Variants in PRKG1 observed in about 807,000 individuals in gnomAD.
PRKG1 encodes cGMP-dependent protein kinase 1.
A neutral mutation model predicts 88.1 loss-of-function variants in PRKG1; 35 were observed. That is an observed-to-expected ratio of 0.40 (90% confidence interval 0.30 to 0.53). The LOEUF (loss-of-function observed/expected upper bound fraction) is 0.53, where lower values mean the gene tolerates loss of function less well. Ranked by LOEUF, PRKG1 falls within the 20% of genes least tolerant of loss-of-function variation. The probability of loss-of-function intolerance (pLI) is 0.59; values close to 1 mark genes in which losing one functional copy is unlikely to be tolerated. For missense variants in PRKG1, 540 were observed against 839.8 expected, an observed-to-expected ratio of 0.64 and a Z score of 4.41; for synonymous variants, 303 against 292.5, an observed-to-expected ratio of 1.04 and a Z score of -0.37.
intron 7 of PRKG1, among the ~76,000 whole-genome samples, chr10:52,073,609 T>C (rs1846558137): frequency 6.6e-6 from 1 of 152,150 alleles, no homozygotes; most frequent in South Asian, 2.1e-4. Context: ...GTGGCTGAAC[T>C]TACAACAATC....
chr10:51,540,372 A>G (rs1842269596), intron 3 of PRKG1, among the ~76,000 whole-genome samples: 1 of 152,206 alleles, frequency 6.6e-6, no homozygotes, highest in African/African-American at 2.4e-5. Flanking sequence ...CAACCAAGTC[A>G]ACTGAAAAGT....
At chr10:52,157,499 G>T (rs1047706323) in intron 8 of PRKG1, among the ~76,000 whole-genome samples, 2 of 150,756 alleles carry the variant, frequency 1.3e-5, no homozygotes, top group Admixed American at 1.3e-4. Context: ...CTGATGAACC[G>T]AATTATATTC....
chr10:51,466,232 G>C (rs1839901444), intron 2 of PRKG1, among the ~76,000 whole-genome samples: 1 of 152,084 alleles, frequency 6.6e-6, no homozygotes. Flanking sequence ...ATGAAAAGAT[G>C]AATTTACCGG....
At chr10:51,612,834 G>A (rs1838946165) in intron 3 of PRKG1, among the ~76,000 whole-genome samples, 1 of 152,000 alleles carries the variant, frequency 6.6e-6, no homozygotes, top group Non-Finnish European at 1.5e-5. Context: ...ATGAAGGAAT[G>A]TTGAATTTTA....
At chr10:51,057,255 A>AG (rs780671787) in intron 1 of PRKG1, among the ~76,000 whole-genome samples, 2 of 152,162 alleles carry the variant, frequency 1.3e-5, no homozygotes, top group Non-Finnish European at 2.9e-5. Flanking sequence ...TTAACTTTTT[A>AG]TTTTCTAAAA....
chr10:51,899,319 G>A (rs1336785977), intron 4 of PRKG1, among the ~76,000 whole-genome samples: 2 of 151,584 alleles, frequency 1.3e-5, no homozygotes, highest in Non-Finnish European at 2.9e-5. Flanking sequence ...ATATTATATT[G>A]TAACATAAAG....
At chr10:52,145,274 C>T (rs752282214) in intron 8 of PRKG1, among the ~76,000 whole-genome samples, 3 of 152,048 alleles carry the variant, frequency 2.0e-5, no homozygotes, top group Non-Finnish European at 2.9e-5. Flanking sequence ...ATGCTTGAAA[C>T]CTTACTATAT....
At chr10:51,910,456 G>T (rs954245033) in intron 5 of PRKG1, 1 of 152,164 alleles carries the variant, frequency 6.6e-6, no homozygotes, top group South Asian at 2.1e-4. Context: ...GCTGGGAGAA[G>T]ATTTTCATCA....
intron 1 of PRKG1, among the ~76,000 whole-genome samples, chr10:51,000,261 GGAT>G (rs1193501706): frequency 6.6e-6 from 1 of 152,150 alleles, no homozygotes; most frequent in Non-Finnish European, 1.5e-5. Context: ...ACCTCCCGAG[GGAT>G]AGCCATTTTC....
intron 1 of PRKG1, among the ~76,000 whole-genome samples, chr10:51,010,993 G>A (rs1197733978): frequency 6.6e-6 from 1 of 152,176 alleles, no homozygotes; most frequent in Non-Finnish European, 1.5e-5. Context: ...TGAGAGATTT[G>A]AAGGCACAGG....
chr10:50,995,395 C>T (rs191319157), intron 1 of PRKG1, among the ~76,000 whole-genome samples: 4 of 152,084 alleles, frequency 2.6e-5, no homozygotes, highest in Non-Finnish European at 5.9e-5. Context: ...GTGTACAATA[C>T]GATGATCATG....
chr10:51,943,493 G>C (rs1289754294), intron 5 of PRKG1, among the ~76,000 whole-genome samples: 1 of 151,960 alleles, frequency 6.6e-6, no homozygotes, highest in South Asian at 2.1e-4. Context: ...ACACTATGTT[G>C]AATGGGAGTG....
chr10:51,254,281 G>A (rs1406648517), intron 2 of PRKG1, among the ~76,000 whole-genome samples: 3 of 151,878 alleles, frequency 2.0e-5, no homozygotes, highest in Non-Finnish European at 4.4e-5. Flanking sequence ...CCTATAAAGT[G>A]TTCTAATTTT....
intron 2 of PRKG1, among the ~76,000 whole-genome samples, chr10:51,310,107 T>C (rs575682841): frequency 1.3e-5 from 2 of 152,292 alleles, no homozygotes; most frequent in African/African-American, 2.4e-5. Context: ...GGGAGTAGAA[T>C]TGGGGGTAGA....
At chr10:52,243,663 T>G (rs1303138382) in intron 9 of PRKG1, among the ~76,000 whole-genome samples, 2 of 152,304 alleles carry the variant, frequency 1.3e-5, no homozygotes, top group Non-Finnish European at 2.9e-5. Context: ...CAATCACTTA[T>G]CAGCAGCTGG....
intron 3 of PRKG1, among the ~76,000 whole-genome samples, chr10:51,560,482 T>C (rs932117233): frequency 6.6e-6 from 1 of 152,130 alleles, no homozygotes; most frequent in Non-Finnish European, 1.5e-5. Context: ...TTTAATAGGA[T>C]TAAATTTAGT....
intron 3 of PRKG1, among the ~76,000 whole-genome samples, chr10:51,803,583 G>A (rs1468483840): frequency 6.6e-6 from 1 of 151,930 alleles, no homozygotes; most frequent in Admixed American, 6.6e-5. Context: ...CATTCACTGG[G>A]CTTAGTCTTG....
At chr10:52,272,756 G>T (rs1564540905) in intron 12 of PRKG1, among the ~76,000 whole-genome samples, 1 of 151,198 alleles carries the variant, frequency 6.6e-6, no homozygotes, top group Non-Finnish European at 1.5e-5. Flanking sequence ...TTGCATGAAT[G>T]TTAGAATTAG....
intron 2 of PRKG1, among the ~76,000 whole-genome samples, chr10:51,354,199 C>CA (rs11343246): frequency 8.7e-5 from 13 of 149,956 alleles, no homozygotes; most frequent in South Asian, 2.1e-4. Flanking sequence ...TTAATGGGCA[C>CA]AAAAAAAAAA....
Sources: allele counts gnomAD v4.1 joint callset (sites outside exome capture counted in the v4.1 genomes callset), GRCh38; gene constraint gnomAD v4.1.1; transcripts MANE v1.5; gene names NCBI Gene and HGNC (gene_info 2026-07-23, HGNC 2026-07-21).